Variants in EEF1E1 observed in about 807,000 individuals in gnomAD.
EEF1E1 encodes the protein eukaryotic translation elongation factor 1 epsilon 1, also known as eukaryotic translation elongation factor 1 epsilon-1.
Under a neutral mutation model 19.9 loss-of-function variants are expected in EEF1E1, and 19 were observed. The observed-to-expected ratio is 0.95, with a 90% CI of 0.66 to 1.40. The LOEUF (loss-of-function observed/expected upper bound fraction) is 1.40, where lower values mean the gene tolerates loss of function less well. Among genes scored for constraint, EEF1E1 ranks in the 40% most tolerant of loss-of-function variants. The probability of loss-of-function intolerance (pLI) is 0.00; values close to 1 mark genes in which losing one functional copy is unlikely to be tolerated. For missense variants in EEF1E1, 198 were observed against 202.2 expected, an observed-to-expected ratio of 0.98 and a Z score of 0.13; for synonymous variants, 81 against 80.0, an observed-to-expected ratio of 1.01 and a Z score of -0.07.
At chr6:8,080,950 C>T (rs2113636848) in intron 3 of EEF1E1, among the ~76,000 whole-genome samples, 1 of 152,348 alleles carries the variant, frequency 6.6e-6, no homozygotes, top group South Asian at 2.1e-4. Flanking sequence ...ATGTCCTTTG[C>T]TTTTCAGCAT....
chr6:8,075,720 TA>T (rs1200924764), downstream of EEF1E1, among the ~76,000 whole-genome samples: 1 of 152,134 alleles, frequency 6.6e-6, no homozygotes, highest in Non-Finnish European at 1.5e-5. Flanking sequence ...AAGACAACAA[TA>T]AAGTTTGCCA....
rs1295297522 is a variant in EEF1E1 at position 8,079,574 on chromosome 6, C to A, written c.*316G>T. ...TTAATAAATAGCCAAATATGTCAAC[C>A]ATTGAAATGACCACCAATTTTAAGA... On this transcript the variant is annotated 3_prime_UTR_variant, in exon 4 of 4. Coordinates refer to ENST00000379715, the MANE Select transcript of EEF1E1 (RefSeq NM_004280.5). 4 of 1,037,922 alleles carry A rather than the reference C, an allele frequency of 3.9e-6. No individual in the cohort carries two copies. Among genetic ancestry groups the A allele is most frequent in the East Asian group, 7.6e-5 (1 of 13,200 alleles). The allele number at this position is 1,037,922 out of a possible 1,614,324, so 64.3% of individuals were successfully genotyped here.
At chr6:8,100,080 C>A (rs1206273936) in intron 1 of EEF1E1, among the ~76,000 whole-genome samples, 2 of 152,158 alleles carry the variant, frequency 1.3e-5, no homozygotes, top group African/African-American at 2.4e-5. Context: ...TTTCCCCATA[C>A]AAGTAAACAG....
chr6:8,099,729 A>G (rs1431172820), intron 1 of EEF1E1, among the ~76,000 whole-genome samples: 1 of 146,850 alleles, frequency 6.8e-6, no homozygotes. Context: ...CCCGGGCAAC[A>G]AGAGTGAAGC....
At chr6:8,096,457 T>C (rs574075466) in intron 2 of EEF1E1, among the ~76,000 whole-genome samples, 36 of 152,222 alleles carry the variant, frequency 2.4e-4, no homozygotes, top group Non-Finnish European at 3.8e-4. Flanking sequence ...CCAGTTCTCT[T>C]GATGGCATCT....
intron 3 of EEF1E1, 96 bp downstream of exon 3, chr6:8,090,090 A>C: frequency 1.9e-6 from 2 of 1,050,376 alleles, no homozygotes; most frequent in East Asian, 2.8e-5. Flanking sequence ...TTATTTGATA[A>C]GCCAAAAATG....
chr6:8,099,778 ACACACACACACAC>A (rs748154437), intron 1 of EEF1E1, among the ~76,000 whole-genome samples: 34 of 127,242 alleles, frequency 2.7e-4, no homozygotes, highest in South Asian at 5.0e-4. Flanking sequence ...ACACACACAC[ACACACACACACAC>A]AAAAAAAAAA....
At position 8,090,057 on chromosome 6, in the gene EEF1E1, G is replaced by A. The variant is rs1395770432; in HGVS notation, c.384+129C>T. 10 of 641,282 alleles carry A rather than the reference G, an allele frequency of 1.6e-5. No individual in the cohort carries two copies. The East Asian group carries it at 3.0e-4, about 19-fold the overall frequency. The allele number at this position is 641,282 out of a possible 1,614,324, so 39.7% of individuals were successfully genotyped here. On this transcript the variant is annotated intron_variant, in intron 3 of 3. Transcript: ENST00000379715. ...GCAGGTTTGTTACAAAAGGCACCTT[G>A]TATAAAGGAATTCCTTTCATTTTTA...
At chr6:8,102,138 C>A (rs1758383508) in intron 1 of EEF1E1, 17 of 1,290,348 alleles carry the variant, frequency 1.3e-5, no homozygotes, top group Non-Finnish European at 1.7e-5. Flanking sequence ...GTCTAAGAGC[C>A]CTGTGAGGAC....
rs528872625 is a variant in EEF1E1, at chr6:8,098,485, C to T, written c.88-1018G>A. Among the ~76,000 whole-genome samples the T allele has an allele frequency of 3.9e-4, 59 of 152,240 alleles. 1 individual carries two copies. The highest frequency in any genetic ancestry group is 8.7e-4 in the African/African-American group (36 of 41,540). On this transcript the variant is annotated intron_variant, in intron 1 of 3. Transcript: ENST00000379715. Reference sequence around the variant, plus strand: ...GCATTTTCATACATCTACATCAACACGACTTGGTGAAGTATACAAGGAGAT... The same window carrying T: ...GCATTTTCATACATCTACATCAACATGACTTGGTGAAGTATACAAGGAGAT...
intron 2 of EEF1E1, among the ~76,000 whole-genome samples, chr6:8,096,947 A>G (rs1758191777): frequency 6.6e-6 from 1 of 152,334 alleles, no homozygotes; most frequent in African/African-American, 2.4e-5. Flanking sequence ...AAAAAAACAA[A>G]AAAAGTCATA....
chr6:8,090,364 T>A, intron 2 of EEF1E1, 83 bp from the exon 3 acceptor site: 1 of 1,024,934 alleles, frequency 9.8e-7, no homozygotes. Flanking sequence ...CTTAAAAGAT[T>A]TAGGCTACTA....
At position 8,079,506 on chromosome 6, in the gene EEF1E1, A is replaced by G. The variant is rs1757673549; in HGVS notation, c.*384T>C. On this transcript the variant is annotated 3_prime_UTR_variant, in exon 4 of 4. Coordinates refer to ENST00000379715, the MANE Select transcript of EEF1E1 (RefSeq NM_004280.5). ...ATCAGTTCTTAACAAACTACCATAA[A>G]TATCCATAAGGGGAAAATGAATTTT... The G allele has an allele frequency of 1.0e-6, 1 of 994,662 alleles. No individual in the cohort carries two copies. The highest frequency in any genetic ancestry group is 1.7e-5 in the African/African-American group (1 of 57,498). 61.6% of individuals were successfully genotyped at this position (994,662 alleles called of 1,614,324 possible).
In EEF1E1 at chr6:8,080,857, CAGAA is replaced by C. The variant is rs1757706225; in HGVS notation, c.385-831_385-828del. On this transcript the variant is annotated intron_variant, in intron 3 of 3. Coordinates refer to ENST00000379715, the MANE Select transcript of EEF1E1 (RefSeq NM_004280.5). ...TCTATAATGCTGACAGGAGTGTTTG[CAGAA>C]AGAAATAACTCAGCCACCCTACAAG... Among the ~76,000 whole-genome samples, 2 of 152,166 alleles carry C rather than the reference CAGAA, an allele frequency of 1.3e-5. 1 individual carries two copies.
downstream of EEF1E1, among the ~76,000 whole-genome samples, chr6:8,075,253 CATACAA>C (rs1291752562): frequency 1.3e-5 from 2 of 152,142 alleles, no homozygotes; most frequent in Non-Finnish European, 2.9e-5. Flanking sequence ...AGTCTCCGAA[CATACAA>C]ATACAAATTT....
Position 8,080,036 on chromosome 6 carries a change from T to C in EEF1E1, c.385-6A>G, listed in dbSNP as rs201199603. ...TCTTGAACTGTCAGGTCAACCTAAGTAGAGATTAAAAACATACACACACAA... is the reference window on the plus strand; with the variant it reads ...TCTTGAACTGTCAGGTCAACCTAAGCAGAGATTAAAAACATACACACACAA... On this transcript the variant is annotated splice_region_variant and splice_polypyrimidine_tract_variant and intron_variant, in intron 3 of 3. Coordinates refer to ENST00000379715, the MANE Select transcript of EEF1E1 (RefSeq NM_004280.5). 3 of 1,612,724 alleles carry C rather than the reference T, an allele frequency of 1.9e-6. No homozygotes were observed. The African/African-American group carries it at 4.0e-5, about 22-fold the overall frequency.
downstream of EEF1E1, among the ~76,000 whole-genome samples, chr6:8,077,916 C>G (rs1179596640): frequency 1.1e-4 from 17 of 152,252 alleles, no homozygotes; most frequent in Middle Eastern, 3.4e-3. Flanking sequence ...CTCAGCCTCC[C>G]AAGTAGCTGG....
exon 4 of EEF1E1, chr6:8,073,386 C>A: frequency 6.7e-7 from 1 of 1,498,010 alleles, no homozygotes; most frequent in Admixed American, 2.3e-5. Context: ...TTATGGCACT[C>A]CATGTAGAGT....
At position 8,101,856 on chromosome 6, in the gene EEF1E1, G is replaced by A. The variant is rs1042715764; in HGVS notation, c.87+579C>T. 5 of 1,283,718 alleles carry A rather than the reference G, an allele frequency of 3.9e-6. No homozygotes were observed. In the African/African-American group the frequency reaches 6.1e-5, roughly 16 times the overall value. 79.5% of individuals were successfully genotyped at this position (1,283,718 alleles called of 1,614,324 possible). ...CGCCTTCCCCGAATCCCCTAGATTG[G>A]GCCAAGACTCCTTAGGTGTTCTCTC... On this transcript the variant is annotated intron_variant, in intron 1 of 3. Transcript: ENST00000379715.
Sources: allele counts gnomAD v4.1 joint callset (sites outside exome capture counted in the v4.1 genomes callset), GRCh38; gene constraint gnomAD v4.1.1; transcripts MANE v1.5; gene names NCBI Gene and HGNC (gene_info 2026-07-23, HGNC 2026-07-21).